DCTN5: variants seen among roughly 807,000 people sequenced by gnomAD.
DCTN5 encodes the protein dynactin subunit 5.
DCTN5 carries 14 observed loss-of-function variants against 23.5 expected under a neutral mutation model. The observed-to-expected ratio is 0.60, with a 90% CI of 0.39 to 0.93. The LOEUF (loss-of-function observed/expected upper bound fraction) is 0.93. Ranked by LOEUF, DCTN5 falls within the 40% of genes least tolerant of loss-of-function variation. The pLI is 0.00. For synonymous variants in DCTN5, 67 were observed against 79.6 expected, an observed-to-expected ratio of 0.84 and a Z score of 0.84; for missense variants, 156 against 225.9, an observed-to-expected ratio of 0.69 and a Z score of 1.98.
chr16:23,649,614 G>A (rs967302080), intron 2 of DCTN5, among the ~76,000 whole-genome samples: 56 of 152,014 alleles, frequency 3.7e-4, no homozygotes, highest in African/African-American at 1.3e-3. Flanking sequence ...AGGCCAAGGC[G>A]GGCGGATCAC....
intron 4 of DCTN5, among the ~76,000 whole-genome samples, chr16:23,664,356 C>T (rs1017417875): frequency 6.6e-6 from 1 of 152,182 alleles, no homozygotes; most frequent in Non-Finnish European, 1.5e-5. Context: ...TAGCAATCTA[C>T]CTTTTCCTAG....
At chr16:23,657,106 GC>G (rs1351784685) in intron 2 of DCTN5, among the ~76,000 whole-genome samples, 2 of 152,160 alleles carry the variant, frequency 1.3e-5, no homozygotes, top group African/African-American at 4.8e-5. Context: ...ATGCCAGGGT[GC>G]TTCCAGAGTA....
rs1178382558 is a variant in DCTN5 at position 23,671,546 on chromosome 16, A to C, written c.*4402A>C. The C allele has an allele frequency of 1.3e-5, 2 of 152,204 alleles. No individual in the cohort carries two copies. The highest frequency in any genetic ancestry group is 4.8e-5 in the African/African-American group (2 of 41,464). 9.4% of individuals were successfully genotyped at this position (152,204 alleles called of 1,614,324 possible). The stretch of plus-strand genomic sequence containing the variant: ...AGTTTCACAGCCTGTTTTACAGCAG[A>C]GGAAACTGATATTCAGAGAGGTTAA... On this transcript the variant is annotated 3_prime_UTR_variant, in exon 6 of 6. Coordinates refer to ENST00000300087, the MANE Select transcript of DCTN5 (RefSeq NM_032486.4).
At chr16:23,664,902 G>A (rs538791984) in intron 4 of DCTN5, among the ~76,000 whole-genome samples, 24 of 152,334 alleles carry the variant, frequency 1.6e-4, no homozygotes, top group Non-Finnish European at 2.6e-4. Context: ...AATGGGTGGT[G>A]AATATAAACC....
In DCTN5 at chr16:23,670,555, C is replaced by T. The variant is rs1200392894; in HGVS notation, c.*3411C>T. The T allele has an allele frequency of 6.6e-6, 1 of 151,952 alleles. No individual in the cohort carries two copies. Among genetic ancestry groups the T allele is most frequent in the Non-Finnish European group, 1.5e-5 (1 of 68,006 alleles). 9.4% of individuals were successfully genotyped at this position (151,952 alleles called of 1,614,324 possible). Reference sequence around the variant, plus strand: ...ATTCTGGCTAGCCTCAGCGGTTCTCCTGAAAAAAAATTGGCATCTGACAAC... The same window carrying T: ...ATTCTGGCTAGCCTCAGCGGTTCTCTTGAAAAAAAATTGGCATCTGACAAC... On this transcript the variant is annotated 3_prime_UTR_variant, in exon 6 of 6. Transcript: ENST00000300087.
chr16:23,661,166 C>G lies in DCTN5; in HGVS notation c.237-4C>G, dbSNP rs760047511. On this transcript the variant is annotated splice_polypyrimidine_tract_variant and splice_region_variant and intron_variant, in intron 3 of 5. Transcript: ENST00000300087. Reference sequence around the variant, plus strand: ...TCTGTGTTCATCTTCTTTTCCTCTTCTAGTGTTGCATTCTTTCCTTTACAT... The same window carrying G: ...TCTGTGTTCATCTTCTTTTCCTCTTGTAGTGTTGCATTCTTTCCTTTACAT... The G allele has an allele frequency of 5.0e-6, 8 of 1,602,164 alleles. No homozygotes were observed. The highest frequency in any genetic ancestry group is 6.8e-6 in the Non-Finnish European group (8 of 1,170,608).
chr16:23,662,853 T>C (rs1241719458), intron 4 of DCTN5, among the ~76,000 whole-genome samples: 1 of 152,166 alleles, frequency 6.6e-6, no homozygotes, highest in Admixed American at 6.5e-5. Flanking sequence ...CAGAGCGAAA[T>C]GTCTGAAAGG....
In DCTN5 at chr16:23,673,277, G is replaced by T. The variant is rs933276550; in HGVS notation, c.*6133G>T. 1 of 152,166 alleles carries T rather than the reference G, an allele frequency of 6.6e-6. No homozygotes were observed. The highest frequency in any genetic ancestry group is 3.4e-3 in the Middle Eastern group (1 of 294). The allele number at this position is 152,166 out of a possible 1,614,324, so 9.4% of individuals were successfully genotyped here. On this transcript the variant is annotated 3_prime_UTR_variant, in exon 6 of 6. Transcript: ENST00000300087. ...TCATTTTTTAAAAAAAAACTTGCTTGTATTTGTTTATTTTTTAAATAGAGA... is the reference window on the plus strand; with the variant it reads ...TCATTTTTTAAAAAAAAACTTGCTTTTATTTGTTTATTTTTTAAATAGAGA...
intron 3 of DCTN5, 66 bp from the exon 4 acceptor site, chr16:23,661,104 C>A: frequency 9.0e-7 from 1 of 1,112,726 alleles, no homozygotes; most frequent in Non-Finnish European, 1.4e-6. Flanking sequence ...ATCTGTAGTT[C>A]TATAAACCTT....
chr16:23,651,165 A>G (rs1293922946), intron 2 of DCTN5: 1 of 1,137,612 alleles, frequency 8.8e-7, no homozygotes, highest in Non-Finnish European at 1.1e-6. Context: ...TTGCAAGTAT[A>G]GTCCTTCAAC....
intron 2 of DCTN5, among the ~76,000 whole-genome samples, chr16:23,656,807 A>G (rs1351745443): frequency 6.6e-6 from 1 of 152,038 alleles, no homozygotes; most frequent in Non-Finnish European, 1.5e-5. Context: ...CCTAGCCAAC[A>G]TGGTGAAACC....
intron 2 of DCTN5, among the ~76,000 whole-genome samples, chr16:23,645,562 C>T (rs779548657): frequency 1.1e-4 from 17 of 152,208 alleles, no homozygotes; most frequent in Non-Finnish European, 2.2e-4. Flanking sequence ...CGCCCATTCC[C>T]TACTTCCTTC....
At position 23,667,356 on chromosome 16, in the gene DCTN5, G is replaced by A. The variant is rs559370942; in HGVS notation, c.*212G>A. On this transcript the variant is annotated 3_prime_UTR_variant, in exon 6 of 6. Transcript: ENST00000300087. ...CCATCTGGAGGAGCTGTCTTCAAATGCTGTGCTTACACCTTATCTATGAAC... is the reference window on the plus strand; with the variant it reads ...CCATCTGGAGGAGCTGTCTTCAAATACTGTGCTTACACCTTATCTATGAAC... The A allele has an allele frequency of 1.5e-5, 9 of 597,006 alleles. No individual in the cohort carries two copies. The highest frequency in any genetic ancestry group is 9.3e-5 in the African/African-American group (5 of 53,938). 37.0% of individuals were successfully genotyped at this position (597,006 alleles called of 1,614,324 possible).
chr16:23,647,486 G>A (rs1967492157), intron 2 of DCTN5, among the ~76,000 whole-genome samples: 1 of 151,100 alleles, frequency 6.6e-6, no homozygotes, highest in South Asian at 2.1e-4. Context: ...GCCTATTGAG[G>A]GCTGTTTGCT....
chr16:23,666,610 G>A (rs756776155), intron 5 of DCTN5: 12 of 194,532 alleles, frequency 6.2e-5, no homozygotes, highest in Non-Finnish European at 1.2e-4. Flanking sequence ...ACAGAGGCAC[G>A]TCATAAATTC....
intron 4 of DCTN5, among the ~76,000 whole-genome samples, chr16:23,661,730 A>ATAAAT (rs1967816032): frequency 6.6e-6 from 1 of 151,350 alleles, no homozygotes; most frequent in Non-Finnish European, 1.5e-5. Flanking sequence ...AAATAAATAA[A>ATAAAT]TAAATAAATA....
In DCTN5 at chr16:23,648,918, C is replaced by T. The variant is rs748280576; in HGVS notation, c.117+5895C>T. On this transcript the variant is annotated intron_variant, in intron 2 of 5. Coordinates refer to ENST00000300087, the MANE Select transcript of DCTN5 (RefSeq NM_032486.4). ...CATTGCCCATGCTGGAGTGCAGTGG[C>T]GTGATGTCAGCTCACTGCAACCTCT... Among the ~76,000 whole-genome samples the T allele has an allele frequency of 2.0e-5, 3 of 152,078 alleles. No homozygotes were observed. In the South Asian group the frequency reaches 6.2e-4, roughly 32 times the overall value.
At position 23,641,491 on chromosome 16, in the gene DCTN5, C is replaced by G; in HGVS notation, c.-52C>G. The G allele has an allele frequency of 3.7e-6, 6 of 1,610,362 alleles. No homozygotes were observed. The East Asian group carries it at 1.3e-4, about 36-fold the overall frequency. ...GGAAGTAGCCGGAATCTCTGAAAGA[C>G]TGACCGACTGACTCTGACAGGATCC... On this transcript the variant is annotated 5_prime_UTR_variant, in exon 1 of 6. Coordinates refer to ENST00000300087, the MANE Select transcript of DCTN5 (RefSeq NM_032486.4).
intron 4 of DCTN5, among the ~76,000 whole-genome samples, chr16:23,664,922 G>T (rs1293869037): frequency 6.6e-6 from 1 of 152,222 alleles, no homozygotes; most frequent in Non-Finnish European, 1.5e-5. Context: ...CAAGAGTACA[G>T]GAGTAGATCT....
Sources: gnomAD v4.1 joint callset for allele counts (sites outside exome capture counted in the v4.1 genomes callset) on GRCh38, gnomAD v4.1.1 for gene constraint, MANE v1.5 for transcripts, NCBI Gene and HGNC (gene_info 2026-07-23, HGNC 2026-07-21) for gene names.